ENGASE: variants seen among roughly 807,000 people sequenced by gnomAD.
ENGASE encodes endo-beta-N-acetylglucosaminidase, also known as cytosolic endo-beta-N-acetylglucosaminidase.
In ENGASE, 69 loss-of-function variants were observed where a neutral mutation model predicts 78.5. The ratio of observed to expected loss-of-function variants is 0.88; its 90% CI spans 0.72 to 1.07. ENGASE has a LOEUF of 1.07. Ranked by LOEUF, ENGASE falls within the 50% of genes least tolerant of loss-of-function variation. The pLI is 0.00. For missense variants in ENGASE, 943 were observed against 988.4 expected, an observed-to-expected ratio of 0.95 and a Z score of 0.62; for synonymous variants, 408 against 408.9, an observed-to-expected ratio of 1.00 and a Z score of 0.03.
At chr17:79,080,764 G>T (rs1020640018) in intron 5 of ENGASE, among the ~76,000 whole-genome samples, 161 bp from the exon 6 acceptor site, 1 of 152,166 alleles carries the variant, frequency 6.6e-6, no homozygotes, top group Middle Eastern at 3.2e-3. Context: ...TGTTTGGCTG[G>T]ACTCCACTTG....
rs755973878 is a variant in ENGASE at position 79,085,665 on chromosome 17, C to T, written c.1746C>T (p.Leu582=). 22 of 1,613,884 alleles carry T rather than the reference C, an allele frequency of 1.4e-5. No homozygotes were observed. Among genetic ancestry groups the T allele is most frequent in the Admixed American group, 1.0e-4 (6 of 60,004 alleles). The change falls in exon 13 of 14, where the codon CTC becomes CTT. Residue 582 remains leucine, a synonymous_variant. Coordinates refer to ENST00000579016, the MANE Select transcript of ENGASE (RefSeq NM_001042573.3). The part of the protein sequence containing the change: ...SLRGCLLLDL[L]VCFSRPPGSR... ...GTGGGTGCCTGCTGCTAGACCTCCT[C>T]GTTTGCTTCTCACGGCCGCCGGGTA...
At position 79,077,972 on chromosome 17, in the gene ENGASE, G is replaced by A. The variant is rs2073011346; in HGVS notation, c.416+108G>A. ...ATGTGTAGAAAGAGCACTGGGCGGGGAGTCAGGAGACGGGCATTGGAGGGA... is the reference window on the plus strand; with the variant it reads ...ATGTGTAGAAAGAGCACTGGGCGGGAAGTCAGGAGACGGGCATTGGAGGGA... On this transcript the variant is annotated intron_variant, in intron 3 of 13. Transcript: ENST00000579016. 4.3e-6 allele frequency: 5 copies of A among 1,156,500 alleles called. No individual in the cohort carries two copies. In the South Asian group the frequency reaches 7.7e-5, roughly 18 times the overall value. 71.6% of individuals were successfully genotyped at this position (1,156,500 alleles called of 1,614,324 possible).
In ENGASE at chr17:79,083,534, C is replaced by A; in HGVS notation, c.1195C>A (p.Pro399Thr). The A allele has an allele frequency of 6.2e-7, 1 of 1,614,208 alleles. No individual in the cohort carries two copies. The highest frequency in any genetic ancestry group is 1.3e-5 in the African/African-American group (1 of 75,062). Residue 399 changes from proline (P) to threonine (T), a missense_variant, in exon 9 of 14, where the codon CCT (proline) becomes ACT (threonine). Transcript: ENST00000579016. This position sits in a 1 kb window ranked among gnomAD's most constrained non-coding sequence, Gnocchi z 4.9. ...GCCCACACATAGCATCTGCTCCTTG[C>A]CTTTCGTCACGTCCTTCTGCCTGGG... ...YLPTHSICSL[P>T]FVTSFCLGMG...
In ENGASE at chr17:79,086,108, A is replaced by G; in HGVS notation, c.1991A>G (p.His664Arg). The G allele has an allele frequency of 1.2e-6, 2 of 1,613,634 alleles. No individual in the cohort carries two copies. The highest frequency in any genetic ancestry group is 1.7e-6 in the Non-Finnish European group (2 of 1,180,018). ...LLSQVRCFRI[H>R]CWGGMSDDSP... ...TCACAAGTCCGTTGCTTCCGAATCC[A>G]CTGCTGGGGAGGGATGAGTGATGAC... Residue 664 changes from histidine to arginine, a missense_variant, in exon 14 of 14, where the codon CAC becomes CGC. Physicochemically the swap from His to Arg is conservative, Grantham distance 29 (BLOSUM62 0). Transcript: ENST00000579016.
At position 79,083,268 on chromosome 17, in the gene ENGASE, C is replaced by G; in HGVS notation, c.1142+145C>G. On this transcript the variant is annotated intron_variant, in intron 8 of 13. Coordinates refer to ENST00000579016, the MANE Select transcript of ENGASE (RefSeq NM_001042573.3). The surrounding 1 kb of genome is among the most constrained non-coding windows in gnomAD (Gnocchi z 4.9). The stretch of plus-strand genomic sequence containing the variant: ...AGGATGACAGGGGAGGAAGCCAGCA[C>G]CCTGGCTGCTTCCGGGCAGGGACCA... 1 of 747,300 alleles carries G rather than the reference C, an allele frequency of 1.3e-6. No individual in the cohort carries two copies. Among genetic ancestry groups the G allele is most frequent in the Non-Finnish European group, 2.2e-6 (1 of 459,876 alleles). 46.3% of individuals were successfully genotyped at this position (747,300 alleles called of 1,614,324 possible).
In ENGASE at chr17:79,079,503, C is replaced by T. The variant is rs202152183; in HGVS notation, c.431C>T (p.Ser144Leu). 37 of 1,613,404 alleles carry T rather than the reference C, an allele frequency of 2.3e-5. No individual in the cohort carries two copies. In the East Asian group the frequency reaches 4.5e-4, roughly 19 times the overall value. Residue 144 changes from serine to leucine, a missense_variant, in exon 4 of 14, where the codon TCG becomes TTG. Coordinates refer to ENST00000579016, the MANE Select transcript of ENGASE (RefSeq NM_001042573.3). ...GYLDDRFIQGSVVQTPYAFYH... is the reference protein window; with the variant it reads ...GYLDDRFIQGLVVQTPYAFYH... ...TCTTTCCCCAGGTTCATTCAGGGCTCGGTGGTGCAGACTCCCTATGCTTTC... is the reference window on the plus strand; with the variant it reads ...TCTTTCCCCAGGTTCATTCAGGGCTTGGTGGTGCAGACTCCCTATGCTTTC...
At position 79,083,070 on chromosome 17, in the gene ENGASE, C is replaced by G. The variant is rs745965568; in HGVS notation, c.1089C>G (p.Pro363=). 6.2e-6 allele frequency: 10 copies of G among 1,614,028 alleles called. No individual in the cohort carries two copies. Among genetic ancestry groups the G allele is most frequent in the Non-Finnish European group, 8.5e-6 (10 of 1,179,988 alleles). ...GCTTCTCCGTGGCTTTGTTTGCCCC[C>G]GGCTGGGTGTATGAGTGTCTGGAGA... ...KHGFSVALFA[P]GWVYECLEKK... is the part of the protein sequence containing the mutation. The change falls in exon 8 of 14, where the codon CCC becomes CCG. Residue 363 remains proline, a synonymous_variant. Coordinates refer to ENST00000579016, the MANE Select transcript of ENGASE (RefSeq NM_001042573.3). This position sits in a 1 kb window ranked among gnomAD's most constrained non-coding sequence, Gnocchi z 4.9.
rs1179488438 is a variant in ENGASE, at chr17:79,077,434, A to G, written c.151A>G (p.Lys51Glu). ...PRRRRPGRSI[K>E]DEEEETVFRE... is the part of the protein sequence containing the mutation. Reference sequence around the variant, plus strand: ...TACAACTCCCTCTTTGCTTAGCATCAAAGATGAAGAAGAAGAGACAGTCTT... The same window carrying G: ...TACAACTCCCTCTTTGCTTAGCATCGAAGATGAAGAAGAAGAGACAGTCTT... The change falls in exon 2 of 14, where the codon AAA (lysine) becomes GAA (glutamate). Residue 51 changes from lysine (K) to glutamate (E), a missense_variant. Lys to Glu is a moderately conservative substitution (Grantham distance 56). Transcript: ENST00000579016. 1.3e-6 allele frequency: 2 copies of G among 1,592,166 alleles called. No individual in the cohort carries two copies. The highest frequency in any genetic ancestry group is 2.2e-5 in the East Asian group (1 of 44,784).
chr17:79,086,244 G>C lies in ENGASE; in HGVS notation c.2127G>C (p.Gln709His). The C allele has an allele frequency of 6.2e-7, 1 of 1,613,572 alleles. No individual in the cohort carries two copies. Among genetic ancestry groups the C allele is most frequent in the Non-Finnish European group, 8.5e-7 (1 of 1,180,044 alleles). The change falls in exon 14 of 14, where the codon CAG becomes CAC. Residue 709 changes from glutamine to histidine, a missense_variant. Physicochemically the swap from Gln to His is conservative, Grantham distance 24. Transcript: ENST00000579016. ...DLLVEAAGPGQDRRMEFLVEP... is the reference protein window; with the variant it reads ...DLLVEAAGPGHDRRMEFLVEP... Reference sequence around the variant, plus strand: ...TGGTGGAAGCCGCCGGGCCCGGCCAGGATCGTCGCATGGAATTTCTGGTGG... The same window carrying C: ...TGGTGGAAGCCGCCGGGCCCGGCCACGATCGTCGCATGGAATTTCTGGTGG...
At position 79,083,823 on chromosome 17, in the gene ENGASE, A is replaced by G. The variant is rs761371979; in HGVS notation, c.1314A>G (p.Glu438=). 2.5e-6 allele frequency: 4 copies of G among 1,612,464 alleles called. No homozygotes were observed. In the Admixed American group the frequency reaches 6.7e-5, roughly 27 times the overall value. The part of the protein sequence containing the change: ...SAQEIQPLFG[E]HRLGGDGRGW... Reference sequence around the variant, plus strand: ...AGGAGATCCAGCCCTTGTTTGGAGAACACAGGCTGGGAGGGGATGGCCGGG... The same window carrying G: ...AGGAGATCCAGCCCTTGTTTGGAGAGCACAGGCTGGGAGGGGATGGCCGGG... Residue 438 remains glutamate (E), a synonymous_variant, in exon 10 of 14, where the codon GAA becomes GAG. Transcript: ENST00000579016. This position sits in a 1 kb window ranked among gnomAD's most constrained non-coding sequence, Gnocchi z 4.9.
At chr17:79,078,478 G>A (rs113787836) in intron 3 of ENGASE, among the ~76,000 whole-genome samples, 9,110 of 152,238 alleles carry the variant, frequency 0.06, 333 homozygotes, top group Middle Eastern at 0.092. Context: ...CAGGCAGGGG[G>A]TCCTCTTCGG....
intron 5 of ENGASE, 32 bp from the exon 6 acceptor site, chr17:79,080,889 GCTCA>G: frequency 1.3e-6 from 2 of 1,588,898 alleles, no homozygotes; most frequent in Non-Finnish European, 1.7e-6. Context: ...TAGATCTGGG[GCTCA>G]CTGAGGCTCT....
intron 1 of ENGASE, among the ~76,000 whole-genome samples, chr17:79,076,884 T>G (rs2072980891): frequency 1.3e-5 from 2 of 152,180 alleles, no homozygotes; most frequent in Admixed American, 1.3e-4. Context: ...TATTTATTTA[T>G]TTTTTTGAGA....
intron 5 of ENGASE, 98 bp from the exon 6 acceptor site, chr17:79,080,827 G>C (rs1397825293): frequency 6.8e-7 from 1 of 1,481,314 alleles, no homozygotes; most frequent in East Asian, 2.4e-5. Context: ...CTGTGGGTCT[G>C]TTTGCTCTGC....
In ENGASE at chr17:79,083,593, G is replaced by C. The variant is rs777906228; in HGVS notation, c.1251+3G>C. On this transcript the variant is annotated splice_donor_region_variant and intron_variant, in intron 9 of 13. Coordinates refer to ENST00000579016, the MANE Select transcript of ENGASE (RefSeq NM_001042573.3). The surrounding 1 kb of genome is among the most constrained non-coding windows in gnomAD (Gnocchi z 4.9). ...CACGGAGGGTCTGCTATGGCCAGGT[G>C]GGTGGGTGTCTTCCCTCCGTGTCTG... 1 of 1,612,384 alleles carries C rather than the reference G, an allele frequency of 6.2e-7. No individual in the cohort carries two copies. The highest frequency in any genetic ancestry group is 1.3e-5 in the African/African-American group (1 of 74,872).
chr17:79,085,521 G>C, intron 12 of ENGASE, 99 bp from the exon 13 acceptor site: 1 of 1,523,330 alleles, frequency 6.6e-7, no homozygotes, highest in Non-Finnish European at 8.9e-7. Flanking sequence ...CATGACCCTG[G>C]GATGCATCTC....
In ENGASE at chr17:79,083,482, G is replaced by T; in HGVS notation, c.1143G>T (p.Lys381Asn). The T allele has an allele frequency of 6.2e-7, 1 of 1,613,584 alleles. No individual in the cohort carries two copies. Among genetic ancestry groups the T allele is most frequent in the South Asian group, 1.1e-5 (1 of 91,042 alleles). ...EKKDFFQNQDKFWGRLERYLP... is the reference protein window; with the variant it reads ...EKKDFFQNQDNFWGRLERYLP... Reference sequence around the variant, plus strand: ...GCTGTTGCCCCCATGTCTCTGGCAGGTTCTGGGGCCGACTGGAGCGTTATC... The same window carrying T: ...GCTGTTGCCCCCATGTCTCTGGCAGTTTCTGGGGCCGACTGGAGCGTTATC... Residue 381 changes from lysine to asparagine, a missense_variant and splice_region_variant, in exon 9 of 14, where the codon AAG becomes AAT. Transcript: ENST00000579016. The surrounding 1 kb of genome is among the most constrained non-coding windows in gnomAD (Gnocchi z 4.9).
chr17:79,080,213 T>C lies in ENGASE; in HGVS notation c.572T>C (p.Phe191Ser). 1 of 1,598,306 alleles carries C rather than the reference T, an allele frequency of 6.3e-7. No homozygotes were observed. Residue 191 changes from phenylalanine to serine, a missense_variant, in exon 5 of 14, where the codon TTC becomes TCC. Coordinates refer to ENST00000579016, the MANE Select transcript of ENGASE (RefSeq NM_001042573.3). ...TTCTCTCCTATCCTCACAGGGACTTTCATCACGGAGTGGAATGAAGGGGGA... is the reference window on the plus strand; with the variant it reads ...TTCTCTCCTATCCTCACAGGGACTTCCATCACGGAGTGGAATGAAGGGGGA... ...HRHGVCVLGTFITEWNEGGRL... is the reference protein window; with the variant it reads ...HRHGVCVLGTSITEWNEGGRL...
At chr17:79,075,961 G>A (rs8072347) in intron 1 of ENGASE, 291,642 of 930,624 alleles carry the variant, frequency 0.31, 50,545 homozygotes, top group African/African-American at 0.68. Flanking sequence ...GGACATCAAC[G>A]AGGAAGGGGG....
Sources: gnomAD v4.1 joint callset for allele counts (sites outside exome capture counted in the v4.1 genomes callset) on GRCh38, gnomAD v4.1.1 for gene constraint, Gnocchi (gnomAD v3.1) non-coding constraint, MANE v1.5 for transcripts, NCBI Gene and HGNC (gene_info 2026-07-23, HGNC 2026-07-21) for gene names.